The following RARS2 variants were observed in gnomAD, a reference collection of about 807,000 sequenced individuals.
The protein encoded by RARS2 is probable arginine--tRNA ligase, mitochondrial.
A neutral mutation model predicts 88.5 loss-of-function variants in RARS2; 67 were observed. The ratio of observed to expected loss-of-function variants is 0.76; its 90% CI spans 0.62 to 0.93. The LOEUF (loss-of-function observed/expected upper bound fraction) is 0.93, where lower values mean the gene tolerates loss of function less well. Among genes scored for constraint, RARS2 ranks in the 40% least tolerant of loss-of-function variants. RARS2 has a pLI of 0.00. For missense variants in RARS2, 664 were observed against 684.2 expected, an observed-to-expected ratio of 0.97 and a Z score of 0.33; for synonymous variants, 239 against 230.3, an observed-to-expected ratio of 1.04 and a Z score of -0.34.
chr6:87,516,938 T>C, intron 17 of RARS2, 58 bp from the exon 18 acceptor site: 2 of 1,604,790 alleles, frequency 1.2e-6, no homozygotes, highest in Non-Finnish European at 1.7e-6. Context: ...ACTAAGACAT[T>C]AGACATTAAA....
At chr6:87,582,966 T>TG (rs1774063301) in intron 1 of RARS2, among the ~76,000 whole-genome samples, 1 of 152,142 alleles carries the variant, frequency 6.6e-6, no homozygotes, top group Non-Finnish European at 1.5e-5. Context: ...TGATCCTATA[T>TG]GGGGAAAAAA....
chr6:87,521,676 T>C (rs963936821), intron 11 of RARS2, 152 bp from the exon 12 acceptor site: 3 of 580,978 alleles, frequency 5.2e-6, no homozygotes, highest in African/African-American at 3.7e-5. Flanking sequence ...AATCCGAATA[T>C]CATGTTTTGA....
intron 4 of RARS2, among the ~76,000 whole-genome samples, chr6:87,556,249 TG>T (rs1211189580): frequency 2.0e-5 from 3 of 152,234 alleles, no homozygotes; most frequent in African/African-American, 7.2e-5. Context: ...TTAATGGTGA[TG>T]AACTTTTGTT....
chr6:87,566,060 T>C (rs1767773331), intron 2 of RARS2, among the ~76,000 whole-genome samples: 1 of 152,188 alleles, frequency 6.6e-6, no homozygotes, highest in Non-Finnish European at 1.5e-5. Context: ...TGCCTGTAAT[T>C]CCAACATTTG....
chr6:87,550,808 GAA>G (rs34971117), intron 5 of RARS2, among the ~76,000 whole-genome samples: 43 of 124,464 alleles, frequency 3.5e-4, no homozygotes, highest in Non-Finnish European at 6.8e-4. Context: ...CATTATTTAA[GAA>G]AAAAAAAAAA....
At chr6:87,556,412 C>T (rs1785904064) in intron 4 of RARS2, among the ~76,000 whole-genome samples, 1 of 151,970 alleles carries the variant, frequency 6.6e-6, no homozygotes, top group Non-Finnish European at 1.5e-5. Context: ...AACGACCTTC[C>T]TACCTAAGCA....
intron 7 of RARS2, among the ~76,000 whole-genome samples, chr6:87,542,690 G>T (rs1781378167): frequency 6.7e-6 from 1 of 149,556 alleles, no homozygotes; most frequent in Non-Finnish European, 1.5e-5. Context: ...ACCAAAAACT[G>T]AGGTTGGTAA....
At chr6:87,531,667 C>T (rs1777573215) in intron 8 of RARS2, among the ~76,000 whole-genome samples, 1 of 152,152 alleles carries the variant, frequency 6.6e-6, no homozygotes, top group Non-Finnish European at 1.5e-5. Flanking sequence ...CATACTCAGC[C>T]AAGAACTAGG....
chr6:87,577,309 A>G (rs968712360), intron 1 of RARS2, among the ~76,000 whole-genome samples: 1 of 152,126 alleles, frequency 6.6e-6, no homozygotes, highest in Non-Finnish European at 1.5e-5. Context: ...CTCCCACCCC[A>G]GCCTCCTGAG....
At chr6:87,529,721 A>T in intron 9 of RARS2, 73 bp from the exon 10 acceptor site, 1 of 1,005,888 alleles carries the variant, frequency 9.9e-7, no homozygotes, top group Non-Finnish European at 1.6e-6. Context: ...AGGCAAAATT[A>T]AGGATGCTCT....
intron 5 of RARS2, among the ~76,000 whole-genome samples, chr6:87,552,596 C>T (rs1784702186): frequency 6.6e-6 from 1 of 151,944 alleles, no homozygotes; most frequent in Non-Finnish European, 1.5e-5. Flanking sequence ...ATACAACTCA[C>T]ATAGAACAGG....
rs751977606 is a variant in RARS2, at chr6:87,530,819, C to A, written c.736G>T (p.Asp246Tyr). Reference sequence around the variant, plus strand: ...CGAATGTACTCTTCAATGCTCAAGTCCCGAAATTTTTGCCACAGTGAAAGT... The same window carrying A: ...CGAATGTACTCTTCAATGCTCAAGTACCGAAATTTTTGCCACAGTGAAAGT... ...QALSLWQKFR[D>Y]LSIEEYIRVY... Residue 246 changes from aspartate to tyrosine, a missense_variant, in exon 9 of 20, where the codon GAC becomes TAC. Physicochemically the swap from Asp to Tyr is radical, Grantham distance 160 (BLOSUM62 -3). Transcript: ENST00000369536. 6.2e-7 allele frequency: 1 copy of A among 1,614,040 alleles called. No homozygotes were observed. Among genetic ancestry groups the A allele is most frequent in the African/African-American group, 1.3e-5 (1 of 74,930 alleles).
chr6:87,572,778 G>C (rs2128197691), intron 1 of RARS2, among the ~76,000 whole-genome samples: 1 of 152,180 alleles, frequency 6.6e-6, no homozygotes, highest in East Asian at 1.9e-4. Flanking sequence ...AAATGAAATG[G>C]GGGACTTAAG....
Position 87,555,394 on chromosome 6 carries a change from G to A in RARS2, c.395+14C>T, listed in dbSNP as rs1057523578. The A allele has an allele frequency of 3.8e-6, 6 of 1,599,218 alleles. No individual in the cohort carries two copies. The highest frequency in any genetic ancestry group is 1.1e-5 in the South Asian group (1 of 90,776). The stretch of plus-strand genomic sequence containing the variant: ...AACTTGATTAAGCAACACATAAAAG[G>A]GGTGCACCCTCACCTGAATTCAACC... On this transcript the variant is annotated intron_variant, in intron 5 of 19. Coordinates refer to ENST00000369536, the MANE Select transcript of RARS2 (RefSeq NM_020320.5).
At chr6:87,553,138 A>G (rs752341172) in intron 5 of RARS2, among the ~76,000 whole-genome samples, 1 of 152,210 alleles carries the variant, frequency 6.6e-6, no homozygotes, top group Non-Finnish European at 1.5e-5. Flanking sequence ...TTTCAAGACT[A>G]GATGATTTCA....
chr6:87,568,967 A>C (rs1768796072), intron 2 of RARS2, among the ~76,000 whole-genome samples: 1 of 152,240 alleles, frequency 6.6e-6, no homozygotes, highest in African/African-American at 2.4e-5. Flanking sequence ...AGAATCATTT[A>C]GGATGACCAA....
chr6:87,573,265 T>C (rs1357841048), intron 1 of RARS2, among the ~76,000 whole-genome samples: 2 of 151,924 alleles, frequency 1.3e-5, no homozygotes, highest in Non-Finnish European at 2.9e-5. Context: ...AATGGGGAGA[T>C]GCTACACACT....
At chr6:87,577,888 A>T (rs1490560209) in intron 1 of RARS2, among the ~76,000 whole-genome samples, 2 of 152,218 alleles carry the variant, frequency 1.3e-5, no homozygotes, top group African/African-American at 4.8e-5. Context: ...TTCTTTTCTT[A>T]CTGTAAAAAC....
At chr6:87,535,824 GC>G in intron 8 of RARS2, among the ~76,000 whole-genome samples, 1 of 151,670 alleles carries the variant, frequency 6.6e-6, no homozygotes, top group Non-Finnish European at 1.5e-5. Flanking sequence ...TTACAAGCAT[GC>G]ATCACCATGC....
Sources: allele counts gnomAD v4.1 joint callset (sites outside exome capture counted in the v4.1 genomes callset), GRCh38; gene constraint gnomAD v4.1.1; transcripts MANE v1.5; gene names NCBI Gene and HGNC (gene_info 2026-07-23, HGNC 2026-07-21).